Variants in ATP6V1E1 observed in about 807,000 individuals in gnomAD.
The protein encoded by ATP6V1E1 is V-type proton ATPase subunit E 1.
Under a neutral mutation model 35.2 loss-of-function variants are expected in ATP6V1E1, and 21 were observed. The ratio of observed to expected loss-of-function variants is 0.60; its 90% confidence interval spans 0.42 to 0.86. The LOEUF is 0.86. Ranked by LOEUF, ATP6V1E1 falls within the 40% of genes least tolerant of loss-of-function variation. The pLI, the probability that ATP6V1E1 is intolerant of heterozygous loss-of-function variation, is 0.00. For synonymous variants in ATP6V1E1, 83 were observed against 87.8 expected (o/e 0.95, Z 0.30); for missense variants, 183 against 272.6 (o/e 0.67, Z 2.32).
intron 5 of ATP6V1E1, 77 bp downstream of exon 5, chr22:17,601,015 A>C: frequency 2.5e-6 from 3 of 1,178,146 alleles, no homozygotes; most frequent in Non-Finnish European, 3.6e-6. Flanking sequence ...AGGAAAAAAT[A>C]GAGCTGGTCT....
At chr22:17,603,358 T>C (rs1275699588) in intron 4 of ATP6V1E1, among the ~76,000 whole-genome samples, 1 of 146,846 alleles carries the variant, frequency 6.8e-6, no homozygotes, top group Admixed American at 6.8e-5. Flanking sequence ...CTCGTCTCTG[T>C]AAAATTAAAA....
chr22:17,615,266 A>C lies in ATP6V1E1; in HGVS notation c.100-1946T>G, dbSNP rs183851700. Among the ~76,000 whole-genome samples the C allele has an allele frequency of 3.7e-4, 57 of 152,236 alleles. 1 individual carries two copies. The highest frequency in any genetic ancestry group is 6.2e-4 in the Non-Finnish European group (42 of 68,032). Reference sequence around the variant, plus strand: ...CAGTGAGCCGAGATCATGCCACTGCACTCTAGCCTGGGTGACAGAGCAAGA... The same window carrying C: ...CAGTGAGCCGAGATCATGCCACTGCCCTCTAGCCTGGGTGACAGAGCAAGA... On this transcript the variant is annotated intron_variant, in intron 2 of 8. Coordinates refer to ENST00000253413, the MANE Select transcript of ATP6V1E1 (RefSeq NM_001696.4).
At chr22:17,625,446 A>G (rs543534085) in intron 1 of ATP6V1E1, among the ~76,000 whole-genome samples, 1 of 134,264 alleles carries the variant, frequency 7.4e-6, no homozygotes, top group Non-Finnish European at 1.8e-5. Context: ...TAGTAGAGAC[A>G]GGGTTTCTCC....
intron 4 of ATP6V1E1, among the ~76,000 whole-genome samples, chr22:17,606,461 A>C (rs1228189705): frequency 6.7e-6 from 1 of 149,812 alleles, no homozygotes; most frequent in Admixed American, 6.7e-5. Context: ...CAATGACGGC[A>C]AGAAGTTAAG....
chr22:17,594,614 G>T lies in ATP6V1E1; in HGVS notation c.533C>A (p.Ala178Asp). Residue 178 changes from alanine to aspartate, a missense_variant and splice_region_variant, in exon 8 of 9, where the codon GCT becomes GAT. Coordinates refer to ENST00000253413, the MANE Select transcript of ATP6V1E1 (RefSeq NM_001696.4). ...DQESYLPEDI[A>D]GGVEIYNGDR... ...TCCATTATAGATCTCAACTCCACCA[G>T]CTCTGCAAAAAAAAAAGCACAGGAA... 1 of 1,533,882 alleles carries T rather than the reference G, an allele frequency of 6.5e-7. No individual in the cohort carries two copies. Among genetic ancestry groups the T allele is most frequent in the Admixed American group, 2.1e-5 (1 of 48,036 alleles).
Position 17,599,105 on chromosome 22 carries a change from GGAGAA to G in ATP6V1E1, c.436-822_436-818del, listed in dbSNP as rs112092538. ...TTTCCACTTATATGAGGTGAATGGGGGAGAAGAGAAGAGAAGAGAAATAATGGAGA... is the reference window on the plus strand; with the variant it reads ...TTTCCACTTATATGAGGTGAATGGGGGAGAAGAGAAGAGAAATAATGGAGA... On this transcript the variant is annotated intron_variant, in intron 6 of 8. Transcript: ENST00000253413. Among the ~76,000 whole-genome samples the G allele has an allele frequency of 3.7e-3, 558 of 152,124 alleles. 6 individuals are homozygous for G. Among genetic ancestry groups the G allele is most frequent in the African/African-American group, 0.013 (532 of 41,468 alleles).
At chr22:17,596,584 C>G (rs984347070) in intron 7 of ATP6V1E1, among the ~76,000 whole-genome samples, 3 of 151,970 alleles carry the variant, frequency 2.0e-5, no homozygotes, top group African/African-American at 7.3e-5. Flanking sequence ...CCAAATAAAC[C>G]TCTTTTCTCC....
intron 1 of ATP6V1E1, among the ~76,000 whole-genome samples, chr22:17,622,472 T>G (rs897105920): frequency 6.6e-6 from 1 of 152,036 alleles, no homozygotes; most frequent in Admixed American, 6.6e-5. Context: ...TACATAGGTG[T>G]ACCAAAACGA....
At chr22:17,607,473 A>C (rs1002169819) in intron 4 of ATP6V1E1, among the ~76,000 whole-genome samples, 1 of 152,174 alleles carries the variant, frequency 6.6e-6, no homozygotes, top group Non-Finnish European at 1.5e-5. Context: ...CCAGTTGCCT[A>C]GACTACAAAC....
intron 4 of ATP6V1E1, among the ~76,000 whole-genome samples, chr22:17,602,868 T>C (rs1318980298): frequency 4.6e-5 from 7 of 152,214 alleles, no homozygotes; most frequent in Admixed American, 3.3e-4. Flanking sequence ...TTTCACTCAT[T>C]TATAATTGTA....
At chr22:17,616,844 C>G in intron 2 of ATP6V1E1, among the ~76,000 whole-genome samples, 1 of 66,624 alleles carries the variant, frequency 1.5e-5, no homozygotes, top group Non-Finnish European at 3.4e-5. Flanking sequence ...GTCAGGAGAT[C>G]GAGACCATCC....
At chr22:17,610,650 C>A (rs1601385339) in intron 4 of ATP6V1E1, among the ~76,000 whole-genome samples, 1 of 152,170 alleles carries the variant, frequency 6.6e-6, no homozygotes, top group Admixed American at 6.5e-5. Flanking sequence ...ACATTACATG[C>A]CTCTAAACTT....
chr22:17,623,090 A>T (rs2057886311), intron 1 of ATP6V1E1, among the ~76,000 whole-genome samples: 1 of 152,128 alleles, frequency 6.6e-6, no homozygotes, highest in African/African-American at 2.4e-5. Context: ...TTGGCAGGTG[A>T]GTTGTTACAC....
intron 4 of ATP6V1E1, among the ~76,000 whole-genome samples, chr22:17,610,012 TC>T (rs1182451669): frequency 6.6e-6 from 1 of 152,128 alleles, no homozygotes; most frequent in Non-Finnish European, 1.5e-5. Context: ...TTGCCTGTTA[TC>T]CCAGCTACAT....
At chr22:17,595,975 A>C (rs1175144964) in intron 7 of ATP6V1E1, among the ~76,000 whole-genome samples, 1 of 148,512 alleles carries the variant, frequency 6.7e-6, no homozygotes, top group East Asian at 2.0e-4. Context: ...CTAAAAATAC[A>C]AAAAAAATTA....
Position 17,598,229 on chromosome 22 carries a change from G to A in ATP6V1E1, c.495C>T (p.Val165=), listed in dbSNP as rs1208079369. ...YKIATKNDVD[V]QIDQESYLPE... ...GCAGGTAGGACTCCTGGTCAATTTG[G>A]ACATCAACATCGTTTTTGGTGGCAA... The change falls in exon 7 of 9, where the codon GTC becomes GTT. Residue 165 remains valine, a synonymous_variant. Transcript: ENST00000253413. The A allele has an allele frequency of 2.5e-6, 4 of 1,614,036 alleles. No homozygotes were observed. The highest frequency in any genetic ancestry group is 1.7e-6 in the Non-Finnish European group (2 of 1,179,960).
chr22:17,619,040 T>G (rs2057861340), intron 2 of ATP6V1E1: 1 of 454,162 alleles, frequency 2.2e-6, no homozygotes, highest in Non-Finnish European at 4.4e-6. Flanking sequence ...ATACCTGTAA[T>G]CCCAGCACTT....
intron 1 of ATP6V1E1, among the ~76,000 whole-genome samples, chr22:17,628,369 T>G (rs968051222): frequency 2.0e-5 from 3 of 152,154 alleles, no homozygotes; most frequent in African/African-American, 7.2e-5. Flanking sequence ...AGCCAGGGCG[T>G]TCAAGAAGGC....
intron 4 of ATP6V1E1, among the ~76,000 whole-genome samples, chr22:17,603,394 T>A (rs9617600): frequency 0.07 from 10,682 of 151,784 alleles, 1,266 homozygotes; most frequent in African/African-American, 0.24. Flanking sequence ...TGAGCACCTG[T>A]AGTCCCAGGT....
Sources: gnomAD v4.1 joint callset for allele counts (sites outside exome capture counted in the v4.1 genomes callset) on GRCh38, gnomAD v4.1.1 for gene constraint, MANE v1.5 for transcripts, NCBI Gene and HGNC (gene_info 2026-07-23, HGNC 2026-07-21) for gene names.